GPC6: variants seen among roughly 807,000 people sequenced by gnomAD.
The protein encoded by GPC6 is glypican-6.
GPC6 carries 14 observed loss-of-function variants against 55.2 expected under a neutral mutation model. The observed-to-expected ratio is 0.25, with a 90% confidence interval of 0.17 to 0.40. GPC6 has a LOEUF of 0.40. GPC6 is among the 10% of genes least tolerant of loss of function. GPC6 has a pLI of 1.00. For synonymous variants in GPC6, 278 were observed against 259.6 expected, an observed-to-expected ratio of 1.07 and a Z score of -0.68; for missense variants, 641 against 708.5, an observed-to-expected ratio of 0.90 and a Z score of 1.08.
intron 3 of GPC6, among the ~76,000 whole-genome samples, chr13:93,872,928 TAAC>T (rs1889175184): frequency 6.6e-6 from 1 of 151,958 alleles, no homozygotes; most frequent in Non-Finnish European, 1.5e-5. Context: ...ATCTGAAACC[TAAC>T]TTTGTGCTAA....
chr13:93,372,633 G>T (rs1874719554), intron 1 of GPC6, among the ~76,000 whole-genome samples: 1 of 152,218 alleles, frequency 6.6e-6, no homozygotes, highest in Non-Finnish European at 1.5e-5. Context: ...TTTAAATGTA[G>T]GCATTTGGTT....
chr13:94,136,534 C>T (rs951236781), intron 4 of GPC6, among the ~76,000 whole-genome samples: 1 of 152,072 alleles, frequency 6.6e-6, no homozygotes, highest in African/African-American at 2.4e-5. Flanking sequence ...CATGGTGAAA[C>T]CCTGTCTCTA....
At chr13:93,826,377 C>A (rs1037477522) in intron 2 of GPC6, among the ~76,000 whole-genome samples, 5 of 152,036 alleles carry the variant, frequency 3.3e-5, no homozygotes, top group Admixed American at 6.6e-5. Context: ...TACCTGCTTC[C>A]CACAGTAGGA....
At chr13:93,905,911 A>G (rs1205994535) in intron 3 of GPC6, among the ~76,000 whole-genome samples, 21 of 152,236 alleles carry the variant, frequency 1.4e-4, no homozygotes, top group Admixed American at 1.4e-3. Context: ...GTGGTGCTAC[A>G]AGTCATGGTT....
chr13:94,103,246 A>G (rs1160271159), intron 4 of GPC6, among the ~76,000 whole-genome samples: 1 of 152,182 alleles, frequency 6.6e-6, no homozygotes, highest in African/African-American at 2.4e-5. Flanking sequence ...ATAGTATTCC[A>G]TGGTGTATAT....
intron 2 of GPC6, among the ~76,000 whole-genome samples, chr13:93,675,872 T>C (rs1841433864): frequency 6.6e-6 from 1 of 151,938 alleles, no homozygotes; most frequent in South Asian, 2.1e-4. Context: ...ATGTGAGAGA[T>C]GTTGAGTAAT....
intron 2 of GPC6, among the ~76,000 whole-genome samples, chr13:93,813,494 A>T (rs552829721): frequency 4.7e-4 from 72 of 152,296 alleles, no homozygotes; most frequent in African/African-American, 1.6e-3. Context: ...TATTGAAATG[A>T]AATAGCAAAA....
At chr13:94,371,180 T>C (rs1278006984) in intron 6 of GPC6, among the ~76,000 whole-genome samples, 2 of 152,152 alleles carry the variant, frequency 1.3e-5, no homozygotes, top group South Asian at 2.1e-4. Context: ...CCTAAGATAA[T>C]TGAGAAATGG....
rs1190669705 is a variant in GPC6 at position 94,175,951 on chromosome 13, TATATAGAGAGAGAG to T, written c.878-110396_878-110383del. Among the ~76,000 whole-genome samples, 3 of 95,864 alleles carry T rather than the reference TATATAGAGAGAGAG, an allele frequency of 3.1e-5. 1 individual carries two copies. The highest frequency in any genetic ancestry group is 6.3e-4 in the South Asian group (2 of 3,182). The allele number at this position is 95,864 out of a possible 152,430, so 62.9% of individuals were successfully genotyped here. A position where few individuals can be genotyped will look rare whatever the true frequency, so the allele number is the denominator to read the frequency against. On this transcript the variant is annotated intron_variant, in intron 4 of 8. Transcript: ENST00000377047. Reference sequence around the variant, plus strand: ...TCCAAATGAGCCATATATATATATATATATAGAGAGAGAGAGAGAGAGAGAGAGAGAGAGAGAGA... The same window carrying T: ...TCCAAATGAGCCATATATATATATATAGAGAGAGAGAGAGAGAGAGAGAGA...
intron 3 of GPC6, among the ~76,000 whole-genome samples, chr13:93,939,901 G>A (rs954894855): frequency 2.0e-5 from 3 of 151,866 alleles, no homozygotes; most frequent in African/African-American, 7.3e-5. Flanking sequence ...GGAAACCAAG[G>A]CACAGAGGCA....
At chr13:93,463,582 T>C (rs2813632) in intron 1 of GPC6, among the ~76,000 whole-genome samples, 145,340 of 152,216 alleles carry the variant, frequency 0.95, 69,756 homozygotes, top group East Asian at 1. Flanking sequence ...TTATTGTAGG[T>C]ATCTCATTAG....
chr13:93,268,968 T>G (rs1202128629), intron 1 of GPC6, among the ~76,000 whole-genome samples: 1 of 151,060 alleles, frequency 6.6e-6, no homozygotes, highest in Non-Finnish European at 1.5e-5. Context: ...TCAGAACCTC[T>G]TTTCTTCCCC....
chr13:93,277,131 A>G (rs1051397770), intron 1 of GPC6, among the ~76,000 whole-genome samples: 1 of 152,198 alleles, frequency 6.6e-6, no homozygotes, highest in Non-Finnish European at 1.5e-5. Context: ...TCCTAAATGA[A>G]TCATTTTCTT....
chr13:93,694,715 A>T (rs973100489), intron 2 of GPC6, among the ~76,000 whole-genome samples: 1 of 152,188 alleles, frequency 6.6e-6, no homozygotes, highest in South Asian at 2.1e-4. Context: ...AAAACAAGGC[A>T]GTATCAGCAC....
chr13:93,458,188 G>C (rs572661777), intron 1 of GPC6, among the ~76,000 whole-genome samples: 33 of 152,292 alleles, frequency 2.2e-4, no homozygotes, highest in Admixed American at 1.9e-3. Flanking sequence ...CAATAGGACT[G>C]TGATCACACA....
At chr13:93,583,096 G>A (rs1247906160) in intron 2 of GPC6, among the ~76,000 whole-genome samples, 1 of 152,200 alleles carries the variant, frequency 6.6e-6, no homozygotes, top group African/African-American at 2.4e-5. Context: ...AAATGAGATG[G>A]CTGAATCTTA....
At chr13:93,814,288 A>G (rs181968367) in intron 2 of GPC6, among the ~76,000 whole-genome samples, 4 of 152,348 alleles carry the variant, frequency 2.6e-5, no homozygotes, top group Admixed American at 2.6e-4. Flanking sequence ...TTAAGCAGAT[A>G]TCCACAAAGT....
At chr13:93,413,503 C>A (rs1400782737) in intron 1 of GPC6, among the ~76,000 whole-genome samples, 1 of 151,626 alleles carries the variant, frequency 6.6e-6, no homozygotes, top group Non-Finnish European at 1.5e-5. Flanking sequence ...ATAAGTGGAC[C>A]CTTATTTAAC....
chr13:93,935,460 T>C (rs1878389125), intron 3 of GPC6, among the ~76,000 whole-genome samples: 1 of 152,216 alleles, frequency 6.6e-6, no homozygotes, highest in African/African-American at 2.4e-5. Flanking sequence ...GGCTGCATGA[T>C]ATTCCATGGT....
Sources: allele counts gnomAD v4.1 joint callset (sites outside exome capture counted in the v4.1 genomes callset), GRCh38; gene constraint gnomAD v4.1.1; transcripts MANE v1.5; gene names NCBI Gene and HGNC (gene_info 2026-07-23, HGNC 2026-07-21).